The following RIPK1 variants were observed in gnomAD, a reference collection of about 807,000 sequenced individuals.
RIPK1 encodes receptor interacting serine/threonine kinase 1.
A neutral mutation model predicts 62.4 loss-of-function variants in RIPK1; 27 were observed. The ratio of observed to expected loss-of-function variants is 0.43; its 90% CI spans 0.32 to 0.60. The LOEUF (loss-of-function observed/expected upper bound fraction) is 0.60. Ranked by LOEUF, RIPK1 falls within the 20% of genes least tolerant of loss-of-function variation. The probability of loss-of-function intolerance (pLI) is 0.07; values close to 1 mark genes in which losing one functional copy is unlikely to be tolerated. For missense variants in RIPK1, 735 were observed against 831.0 expected, an observed-to-expected ratio of 0.88 and a Z score of 1.42; for synonymous variants, 287 against 303.2, an observed-to-expected ratio of 0.95 and a Z score of 0.55.
intron 3 of RIPK1, among the ~76,000 whole-genome samples, chr6:3,078,240 C>T (rs767874165): frequency 6.6e-6 from 1 of 152,184 alleles, no homozygotes; most frequent in Non-Finnish European, 1.5e-5. Context: ...CCGTGGGTCA[C>T]TTCTGTAATC....
At chr6:3,087,281 G>GA (rs1759747991) in intron 6 of RIPK1, among the ~76,000 whole-genome samples, 1 of 151,974 alleles carries the variant, frequency 6.6e-6, no homozygotes, top group Non-Finnish European at 1.5e-5. Flanking sequence ...CATATTTGGG[G>GA]AGCTTTCAGC....
rs1346665903 is a variant in RIPK1, at chr6:3,105,945, C to T, written c.1470C>T (p.Tyr490=). 5 of 1,614,054 alleles carry T rather than the reference C, an allele frequency of 3.1e-6. No homozygotes were observed. Among genetic ancestry groups the T allele is most frequent in the East Asian group, 4.5e-5 (2 of 44,894 alleles). Residue 490 remains tyrosine (Y), a synonymous_variant, in exon 9 of 11, where the codon TAC becomes TAT. Coordinates refer to ENST00000259808, the MANE Select transcript of RIPK1 (RefSeq NM_001354930.2). This position sits in a 1 kb window ranked among gnomAD's most constrained non-coding sequence, Gnocchi z 4.5. ...DPGTAGPRVW[Y]RPIPSHMPSL... is the part of the protein sequence containing the mutation. The stretch of plus-strand genomic sequence containing the variant: ...GAACAGCAGGTCCCAGAGTTTGGTA[C>T]AGGCCAATTCCAAGTCATATGCCTA...
chr6:3,112,678 G>A (rs1056387788), intron 10 of RIPK1, among the ~76,000 whole-genome samples: 1 of 152,158 alleles, frequency 6.6e-6, no homozygotes, highest in East Asian at 1.9e-4. Flanking sequence ...CTACAGGCAT[G>A]TGCCACCATA....
chr6:3,085,601 A>C (rs922308752), intron 6 of RIPK1, among the ~76,000 whole-genome samples, 193 bp downstream of exon 6: 14 of 152,262 alleles, frequency 9.2e-5, no homozygotes, highest in African/African-American at 3.1e-4. Flanking sequence ...ATGATGGCAC[A>C]TAAGGCCTTC....
At chr6:3,084,476 GTCC>G (rs1426572626) in intron 5 of RIPK1, among the ~76,000 whole-genome samples, 1 of 151,618 alleles carries the variant, frequency 6.6e-6, no homozygotes, top group African/African-American at 2.4e-5. Flanking sequence ...TCTTCCTGGA[GTCC>G]TCCTCCTTAA....
In RIPK1 at chr6:3,074,403, C is replaced by T. The variant is rs144736611; in HGVS notation, c.-60-2361C>T. On this transcript the variant is annotated intron_variant, in intron 1 of 10. Coordinates refer to ENST00000259808, the MANE Select transcript of RIPK1 (RefSeq NM_001354930.2). The stretch of plus-strand genomic sequence containing the variant: ...TTTTTATTGCTGAGTAGTATCCCAT[C>T]GTGTTCATACACCAGTGTGTTCACT... Among the ~76,000 whole-genome samples, 19 of 152,284 alleles carry T rather than the reference C, an allele frequency of 1.2e-4. No individual in the cohort carries two copies. In the East Asian group the frequency reaches 3.1e-3, roughly 25 times the overall value.
chr6:3,087,412 T>G (rs1759756018), intron 6 of RIPK1, among the ~76,000 whole-genome samples: 1 of 150,572 alleles, frequency 6.6e-6, no homozygotes, highest in African/African-American at 2.5e-5. Context: ...TGAGGCTTTG[T>G]GTTTTTTTTG....
intron 10 of RIPK1, among the ~76,000 whole-genome samples, chr6:3,112,422 G>C (rs1761209891): frequency 2.0e-5 from 3 of 152,180 alleles, no homozygotes; most frequent in Admixed American, 1.3e-4. Context: ...AGGATCACTG[G>C]CTAAGATTGA....
Position 3,076,994 on chromosome 6 carries a change from A to G in RIPK1, c.164+7A>G, listed in dbSNP as rs755416985. On this transcript the variant is annotated splice_region_variant and intron_variant, in intron 2 of 10. Coordinates refer to ENST00000259808, the MANE Select transcript of RIPK1 (RefSeq NM_001354930.2). ...AGGGGCCCAACTGCATTGAGTGAGT[A>G]GGGAGCAGGGGTGGGTGGGCTAAGT... 2.1e-6 allele frequency: 2 copies of G among 963,354 alleles called. No individual in the cohort carries two copies. The highest frequency in any genetic ancestry group is 1.9e-5 in the Admixed American group (1 of 51,936). 59.7% of individuals were successfully genotyped at this position (963,354 alleles called of 1,614,324 possible). A position where few individuals can be genotyped will look rare whatever the true frequency, so the allele number is the denominator to read the frequency against.
chr6:3,101,053 G>A (rs923864240), intron 7 of RIPK1, among the ~76,000 whole-genome samples: 2 of 152,024 alleles, frequency 1.3e-5, no homozygotes, highest in African/African-American at 4.8e-5. Context: ...TTGGGAGGCT[G>A]AGGTGGGTGG....
upstream of RIPK1, chr6:3,068,310 G>A (rs1052022598): frequency 7.2e-5 from 71 of 985,482 alleles, no homozygotes; most frequent in East Asian, 1.1e-4. Context: ...GCGCGCGGAG[G>A]TTTCGGTTTC....
chr6:3,094,234 G>A lies in RIPK1; in HGVS notation c.915+4577G>A, dbSNP rs562847874. 4.0e-4 allele frequency among the ~76,000 whole-genome samples: 61 copies of A among 152,186 alleles called. No individual in the cohort carries two copies. In the Middle Eastern group the frequency reaches 0.01, roughly 25 times the overall value. On this transcript the variant is annotated intron_variant, in intron 7 of 10. Coordinates refer to ENST00000259808, the MANE Select transcript of RIPK1 (RefSeq NM_001354930.2). Reference sequence around the variant, plus strand: ...ACCTGCTGCACCTAGTAACTGCAGTGCACCTACCTTTAAAGGCTTTTCAAG... The same window carrying A: ...ACCTGCTGCACCTAGTAACTGCAGTACACCTACCTTTAAAGGCTTTTCAAG...
At chr6:3,082,932 T>C (rs1480916956) in intron 4 of RIPK1, among the ~76,000 whole-genome samples, 153 bp from the exon 5 acceptor site, 1 of 152,208 alleles carries the variant, frequency 6.6e-6, no homozygotes, top group Non-Finnish European at 1.5e-5. Context: ...TATGAGTCTG[T>C]TGAGAAGTCG....
intron 1 of RIPK1, among the ~76,000 whole-genome samples, chr6:3,069,223 C>G (rs1377529071): frequency 6.6e-6 from 1 of 152,232 alleles, no homozygotes; most frequent in African/African-American, 2.4e-5. Context: ...GGGCTCTTCC[C>G]TTACCAGCCC....
At position 3,093,986 on chromosome 6, in the gene RIPK1, GCGCC is replaced by G. The variant is rs1561764763; in HGVS notation, c.915+4330_915+4333del. 2.3e-3 allele frequency among the ~76,000 whole-genome samples: 306 copies of G among 130,494 alleles called. 34 individuals carry two copies. Among genetic ancestry groups the G allele is most frequent in the African/African-American group, 9.0e-3 (284 of 31,420 alleles). 85.6% of individuals were successfully genotyped at this position (130,494 alleles called of 152,430 possible). A position where few individuals can be genotyped will look rare whatever the true frequency, so the allele number is the denominator to read the frequency against. ...ACCTGCCGCACCTAGTAACTGCAGAGCGCCTACCTGCCGCACCTAGTAACTGCAG... is the reference window on the plus strand; with the variant it reads ...ACCTGCCGCACCTAGTAACTGCAGAGTACCTGCCGCACCTAGTAACTGCAG... On this transcript the variant is annotated intron_variant, in intron 7 of 10. Transcript: ENST00000259808.
chr6:3,113,598 T>C lies in RIPK1; in HGVS notation c.*259T>C. The C allele has an allele frequency of 2.3e-6, 1 of 427,318 alleles. No homozygotes were observed. The highest frequency in any genetic ancestry group is 4.2e-6 in the Non-Finnish European group (1 of 235,654). The allele number at this position is 427,318 out of a possible 1,614,324, so 26.5% of individuals were successfully genotyped here. A position where few individuals can be genotyped will look rare whatever the true frequency, so the allele number is the denominator to read the frequency against. On this transcript the variant is annotated 3_prime_UTR_variant, in exon 11 of 11. Transcript: ENST00000259808. The surrounding 1 kb of genome is among the most constrained non-coding windows in gnomAD (Gnocchi z 5.0). ...CTCGGCCTTCCAAAGTGCTGGGATA[T>C]CAGGCACTGAGCCACTGCGCCCAGC...
rs1581433823 is a variant in RIPK1, at chr6:3,105,977, A to G, written c.1502A>G (p.His501Arg). The part of the protein sequence containing the change: ...RPIPSHMPSL[H>R]NIPVPETNYL... Reference sequence around the variant, plus strand: ...ATTCCAAGTCATATGCCTAGTCTGCATAATATCCCAGTGCCTGAGACCAAC... The same window carrying G: ...ATTCCAAGTCATATGCCTAGTCTGCGTAATATCCCAGTGCCTGAGACCAAC... Residue 501 changes from histidine to arginine, a missense_variant, in exon 9 of 11, where the codon CAT becomes CGT. Physicochemically the swap from His to Arg is conservative, Grantham distance 29. Around this residue, in one of 2 missense-constraint regions of RIPK1, gnomAD observed 671 missense variants for 726.2 expected, o/e 0.92. Coordinates refer to ENST00000259808, the MANE Select transcript of RIPK1 (RefSeq NM_001354930.2). The surrounding 1 kb of genome is among the most constrained non-coding windows in gnomAD (Gnocchi z 4.5). 6 of 1,614,140 alleles carry G rather than the reference A, an allele frequency of 3.7e-6. No individual in the cohort carries two copies. The highest frequency in any genetic ancestry group is 5.1e-6 in the Non-Finnish European group (6 of 1,179,974).
In RIPK1 at chr6:3,105,363, G is replaced by C; in HGVS notation, c.1007-119G>C. 2 of 757,570 alleles carry C rather than the reference G, an allele frequency of 2.6e-6. No individual in the cohort carries two copies. The highest frequency in any genetic ancestry group is 4.4e-6 in the Non-Finnish European group (2 of 451,726). The allele number at this position is 757,570 out of a possible 1,614,324, so 46.9% of individuals were successfully genotyped here. ...GACCATCTCCTAAATGCTTTGGACT[G>C]GTCTCGTACTTGTTTTCTGTGTGTT... is the stretch of plus-strand genomic sequence containing the variant. On this transcript the variant is annotated intron_variant, in intron 8 of 10. Coordinates refer to ENST00000259808, the MANE Select transcript of RIPK1 (RefSeq NM_001354930.2). This position sits in a 1 kb window ranked among gnomAD's most constrained non-coding sequence, Gnocchi z 4.5.
chr6:3,089,866 A>T (rs984874615), intron 7 of RIPK1, among the ~76,000 whole-genome samples: 1 of 152,260 alleles, frequency 6.6e-6, no homozygotes, highest in Non-Finnish European at 1.5e-5. Flanking sequence ...GAGAGAAAAC[A>T]TATATAGCAA....
Sources: allele counts gnomAD v4.1 joint callset (sites outside exome capture counted in the v4.1 genomes callset), GRCh38; gene constraint gnomAD v4.1.1; regional missense constraint gnomAD v4.1.1; non-coding constraint Gnocchi (gnomAD v3.1); transcripts MANE v1.5; gene names NCBI Gene and HGNC (gene_info 2026-07-23, HGNC 2026-07-21).